Variants in PAPPA observed in about 807,000 individuals in gnomAD.
The protein encoded by PAPPA is pappalysin 1, also known as pappalysin-1.
In PAPPA, 60 loss-of-function variants were observed where a neutral mutation model predicts 164.0. The ratio of observed to expected loss-of-function variants is 0.37; its 90% CI spans 0.30 to 0.45. PAPPA has a LOEUF of 0.45. Ranked by LOEUF, PAPPA falls within the 20% of genes least tolerant of loss-of-function variation. The pLI is 1.00. For synonymous variants in PAPPA, 875 were observed against 814.1 expected, an observed-to-expected ratio of 1.07 and a Z score of -1.27; for missense variants, 1,782 against 2,087.3, an observed-to-expected ratio of 0.85 and a Z score of 2.85.
In PAPPA at chr9:116,352,812, C is replaced by T; in HGVS notation, c.4071C>T (p.Leu1357=). 6.2e-7 allele frequency: 1 copy of T among 1,614,000 alleles called. No individual in the cohort carries two copies. The highest frequency in any genetic ancestry group is 8.5e-7 in the Non-Finnish European group (1 of 1,179,956). The change falls in exon 16 of 22, where the codon CTC becomes CTT. Residue 1357 remains leucine (L), a synonymous_variant. Coordinates refer to ENST00000328252, the MANE Select transcript of PAPPA (RefSeq NM_002581.5). ...CACCCCCTGTGCCCAATGCAGACCT[C>T]CAGACCGCCCGGTGCCGAGAGAATA... ...LAPPPVPNAD[L]QTARCRENKH... is the part of the protein sequence containing the mutation.
At chr9:116,321,288 A>C (rs1180037017) in intron 10 of PAPPA, among the ~76,000 whole-genome samples, 1 of 152,050 alleles carries the variant, frequency 6.6e-6, no homozygotes, top group Non-Finnish European at 1.5e-5. Flanking sequence ...CAGCCTCCCA[A>C]AGTGCTGGGA....
chr9:116,355,308 C>T (rs1348774652), intron 17 of PAPPA, among the ~76,000 whole-genome samples: 1 of 152,242 alleles, frequency 6.6e-6, no homozygotes, highest in Non-Finnish European at 1.5e-5. Flanking sequence ...GCAGGTTCCT[C>T]CTTTTACAGA....
intron 3 of PAPPA, among the ~76,000 whole-genome samples, chr9:116,209,534 G>A (rs1240646091): frequency 6.6e-6 from 1 of 152,178 alleles, no homozygotes; most frequent in Non-Finnish European, 1.5e-5. Context: ...TCAGGGCCAG[G>A]AATAAGGGAG....
intron 19 of PAPPA, among the ~76,000 whole-genome samples, chr9:116,369,123 A>T (rs917028560): frequency 4.1e-5 from 6 of 147,604 alleles, no homozygotes; most frequent in African/African-American, 1.5e-4. Flanking sequence ...TCTCTCCCAC[A>T]CTCTCCTTTC....
chr9:116,291,102 A>G (rs1245499157), intron 9 of PAPPA, among the ~76,000 whole-genome samples: 4 of 152,150 alleles, frequency 2.6e-5, no homozygotes, highest in Non-Finnish European at 5.9e-5. Context: ...ATTGTCATTT[A>G]TAAGGATTAC....
intron 9 of PAPPA, among the ~76,000 whole-genome samples, chr9:116,277,542 A>G (rs1372571425): frequency 6.6e-6 from 1 of 152,178 alleles, no homozygotes; most frequent in Non-Finnish European, 1.5e-5. Context: ...GTAAGTTCCT[A>G]CTTCTTAGAA....
chr9:116,374,490 C>T (rs1342564798), intron 19 of PAPPA, among the ~76,000 whole-genome samples: 1 of 152,152 alleles, frequency 6.6e-6, no homozygotes, highest in African/African-American at 2.4e-5. Flanking sequence ...CAGAGGGGTC[C>T]TGTAGTGAGA....
intron 19 of PAPPA, among the ~76,000 whole-genome samples, chr9:116,375,838 T>A (rs1015586029): frequency 6.6e-6 from 1 of 152,194 alleles, no homozygotes; most frequent in Non-Finnish European, 1.5e-5. Context: ...TCAACTGGCC[T>A]CTCAGTCAGT....
chr9:116,209,917 G>T (rs1844285891), intron 3 of PAPPA, among the ~76,000 whole-genome samples: 2 of 152,144 alleles, frequency 1.3e-5, no homozygotes, highest in Non-Finnish European at 2.9e-5. Flanking sequence ...GCTAACTCCA[G>T]CTGGACTCCA....
intron 6 of PAPPA, among the ~76,000 whole-genome samples, chr9:116,234,867 G>A (rs761144345): frequency 1.3e-5 from 2 of 152,198 alleles, no homozygotes; most frequent in Non-Finnish European, 2.9e-5. Flanking sequence ...AGTGGAAGAT[G>A]AGGAAGGAAA....
At chr9:116,375,982 C>A (rs1846645031) in intron 19 of PAPPA, among the ~76,000 whole-genome samples, 1 of 150,794 alleles carries the variant, frequency 6.6e-6, no homozygotes, top group African/African-American at 2.4e-5. Flanking sequence ...GGCATGAAAA[C>A]TGGGGCATCC....
Position 116,211,826 on chromosome 9 carries a change from C to T in PAPPA, c.1812C>T (p.Asn604=). The part of the protein sequence containing the change: ...FETGDLCNDT[N]PAPKHKSCGD... The stretch of plus-strand genomic sequence containing the variant: ...CTGGAGACCTCTGCAATGATACCAA[C>T]CCAGCCCCTAAACACAAGTCCTGTG... The change falls in exon 4 of 22, where the codon AAC becomes AAT. Residue 604 remains asparagine, a synonymous_variant. Transcript: ENST00000328252. The T allele has an allele frequency of 1.2e-6, 2 of 1,614,090 alleles. No individual in the cohort carries two copies. The highest frequency in any genetic ancestry group is 1.3e-5 in the African/African-American group (1 of 75,042).
Position 116,305,330 on chromosome 9 carries a change from T to A in PAPPA, c.3147+2380T>A, listed in dbSNP as rs548696460. Among the ~76,000 whole-genome samples, 4 of 152,262 alleles carry A rather than the reference T, an allele frequency of 2.6e-5. No homozygotes were observed. The East Asian group carries it at 7.7e-4, about 29-fold the overall frequency. ...TAGTTAATTTTCACCCTGTCAGGGC[T>A]TCCAGTGAAGATGTTGATAGCTTGA... On this transcript the variant is annotated intron_variant, in intron 10 of 21. Coordinates refer to ENST00000328252, the MANE Select transcript of PAPPA (RefSeq NM_002581.5).
At chr9:116,372,183 C>T (rs992924741) in intron 19 of PAPPA, among the ~76,000 whole-genome samples, 1 of 152,056 alleles carries the variant, frequency 6.6e-6, no homozygotes, top group African/African-American at 2.4e-5. Context: ...GGAAATGCCC[C>T]TCAGGTTCAA....
intron 7 of PAPPA, among the ~76,000 whole-genome samples, chr9:116,239,409 G>A (rs1844710362): frequency 1.3e-5 from 2 of 152,118 alleles, no homozygotes; most frequent in Admixed American, 6.6e-5. Context: ...ACAATGAGAG[G>A]CCAACACATT....
chr9:116,359,100 C>T (rs2118616167), intron 17 of PAPPA, among the ~76,000 whole-genome samples: 1 of 152,280 alleles, frequency 6.6e-6, no homozygotes, highest in Non-Finnish European at 1.5e-5. Context: ...GGGAAGTTGC[C>T]AAGCTTGCAT....
At chr9:116,286,566 G>A (rs920387437) in intron 9 of PAPPA, 2 of 152,206 alleles carry the variant, frequency 1.3e-5, no homozygotes, top group African/African-American at 2.4e-5. Context: ...TCCCCATCTC[G>A]CCTCGTAAAT....
At chr9:116,379,001 T>C (rs1846691720) in intron 20 of PAPPA, among the ~76,000 whole-genome samples, 1 of 152,256 alleles carries the variant, frequency 6.6e-6, no homozygotes, top group Admixed American at 6.5e-5. Flanking sequence ...TGGCTGTTGC[T>C]TACTTCTGTC....
chr9:116,162,349 A>C (rs1587934276), intron 1 of PAPPA, among the ~76,000 whole-genome samples: 1 of 152,236 alleles, frequency 6.6e-6, no homozygotes, highest in South Asian at 2.1e-4. Flanking sequence ...ATATACTCAC[A>C]GGTCCACATA....
Sources: gnomAD v4.1 joint callset for allele counts (sites outside exome capture counted in the v4.1 genomes callset) on GRCh38, gnomAD v4.1.1 for gene constraint, MANE v1.5 for transcripts, NCBI Gene and HGNC (gene_info 2026-07-23, HGNC 2026-07-21) for gene names.